Variants in CTNNA1 observed in about 807,000 individuals in gnomAD.
CTNNA1 encodes catenin alpha-1.
Under a neutral mutation model 98.4 loss-of-function variants are expected in CTNNA1, and 37 were observed. The observed-to-expected ratio is 0.38, with a 90% CI of 0.29 to 0.49. The LOEUF (loss-of-function observed/expected upper bound fraction) is 0.49, where lower values mean the gene tolerates loss of function less well. Ranked by LOEUF, CTNNA1 falls within the 20% of genes least tolerant of loss-of-function variation. The probability of loss-of-function intolerance (pLI) is 0.95; values close to 1 mark genes in which losing one functional copy is unlikely to be tolerated. For synonymous variants in CTNNA1, 404 were observed against 413.2 expected (o/e 0.98, Z 0.27); for missense variants, 761 against 1,147.2 (o/e 0.66, Z 4.86).
At chr5:138,754,628 G>C (rs959774512) in intron 1 of CTNNA1, 1 of 152,128 alleles carries the variant, frequency 6.6e-6, no homozygotes, top group African/African-American at 2.4e-5. Flanking sequence ...CTGGACAGGT[G>C]GGTGTTACTT....
chr5:138,822,690 G>C (rs1346532832), intron 5 of CTNNA1, among the ~76,000 whole-genome samples: 2 of 152,178 alleles, frequency 1.3e-5, no homozygotes, highest in Admixed American at 6.5e-5. Context: ...ACAGGGTCCT[G>C]TTTTTGAATA....
intron 3 of CTNNA1, among the ~76,000 whole-genome samples, chr5:138,793,972 A>G (rs1194058557): frequency 1.4e-5 from 2 of 147,006 alleles, no homozygotes; most frequent in African/African-American, 2.5e-5. Context: ...GGCTTATAGT[A>G]TTTAAATAAC....
intron 7 of CTNNA1, among the ~76,000 whole-genome samples, chr5:138,861,616 T>G (rs552459584): frequency 1.2e-4 from 19 of 152,344 alleles, no homozygotes; most frequent in Admixed American, 5.9e-4. Flanking sequence ...CAACTTTTAT[T>G]ACAGGTATGA....
At chr5:138,879,822 G>T (rs1323550971) in intron 7 of CTNNA1, among the ~76,000 whole-genome samples, 1 of 152,102 alleles carries the variant, frequency 6.6e-6, no homozygotes, top group African/African-American at 2.4e-5. Flanking sequence ...GCAGTAGAAG[G>T]GGATTCTGAT....
intron 7 of CTNNA1, among the ~76,000 whole-genome samples, chr5:138,852,526 A>G (rs1253256642): frequency 6.6e-6 from 1 of 152,002 alleles, no homozygotes; most frequent in Non-Finnish European, 1.5e-5. Context: ...CATGACTACT[A>G]TAGTTCAGTT....
At chr5:138,757,596 T>G (rs1344489518) in intron 1 of CTNNA1, among the ~76,000 whole-genome samples, 1 of 152,222 alleles carries the variant, frequency 6.6e-6, no homozygotes, top group African/African-American at 2.4e-5. Context: ...CTCAGCACTT[T>G]CGTTTCTGGT....
chr5:138,901,012 GATA>G (rs1277981389), intron 9 of CTNNA1, among the ~76,000 whole-genome samples: 3 of 152,142 alleles, frequency 2.0e-5, no homozygotes, highest in Non-Finnish European at 4.4e-5. Flanking sequence ...TGGTAGGAAA[GATA>G]ATAATTTATT....
chr5:138,767,727 G>T (rs536910448), intron 1 of CTNNA1, among the ~76,000 whole-genome samples: 3 of 152,028 alleles, frequency 2.0e-5, no homozygotes, highest in Non-Finnish European at 2.9e-5. Context: ...TCAATTACTC[G>T]ATAGAAACTA....
intron 7 of CTNNA1, among the ~76,000 whole-genome samples, chr5:138,857,784 C>T (rs181669398): frequency 1.3e-5 from 2 of 152,316 alleles, no homozygotes; most frequent in African/African-American, 4.8e-5. Flanking sequence ...CCCAGCCTGG[C>T]TCCAGAATTT....
chr5:138,765,797 A>G (rs1752863094), intron 1 of CTNNA1, among the ~76,000 whole-genome samples: 1 of 151,766 alleles, frequency 6.6e-6, no homozygotes, highest in African/African-American at 2.4e-5. Context: ...AAAAATATAA[A>G]AATTAGCTGG....
intron 5 of CTNNA1, among the ~76,000 whole-genome samples, chr5:138,813,326 GCAAA>G (rs1428965464): frequency 3.3e-5 from 5 of 152,162 alleles, no homozygotes; most frequent in Non-Finnish European, 7.3e-5. Flanking sequence ...CTCTTTATAA[GCAAA>G]CAATCTAGAA....
At chr5:138,886,587 T>A (rs1425619183) in intron 8 of CTNNA1, among the ~76,000 whole-genome samples, 1 of 152,170 alleles carries the variant, frequency 6.6e-6, no homozygotes, top group African/African-American at 2.4e-5. Context: ...GTGAAAATAA[T>A]CCTGAAGGAT....
chr5:138,792,218 A>G (rs1174438378), intron 3 of CTNNA1, among the ~76,000 whole-genome samples: 2 of 152,224 alleles, frequency 1.3e-5, no homozygotes, highest in Non-Finnish European at 2.9e-5. Flanking sequence ...ATGTGTATAT[A>G]TACATAGTTC....
At chr5:138,918,775 A>G (rs1762317281) in intron 11 of CTNNA1, among the ~76,000 whole-genome samples, 1 of 152,172 alleles carries the variant, frequency 6.6e-6, no homozygotes, top group African/African-American at 2.4e-5. Context: ...AAAGTGCCAG[A>G]CTTCCTGAGG....
intron 7 of CTNNA1, among the ~76,000 whole-genome samples, chr5:138,836,534 A>G (rs1480951290): frequency 6.6e-6 from 1 of 152,224 alleles, no homozygotes; most frequent in African/African-American, 2.4e-5. Context: ...GGCATTGCGC[A>G]TTGCAGTATT....
rs1755001447 is a variant in CTNNA1 at position 138,780,795 on chromosome 5, A to T, written c.-2-1128A>T. Among the ~76,000 whole-genome samples the T allele has an allele frequency of 2.0e-5, 3 of 152,060 alleles. No homozygotes were observed. The South Asian group carries it at 6.2e-4, about 32-fold the overall frequency. On this transcript the variant is annotated intron_variant, in intron 1 of 17. Coordinates refer to ENST00000302763, the MANE Select transcript of CTNNA1 (RefSeq NM_001903.5). ...CTTCCCAAAGTGCTGGGATTACAGGAGTGAGCCACCACGCCCAGCCTTTAA... is the reference window on the plus strand; with the variant it reads ...CTTCCCAAAGTGCTGGGATTACAGGTGTGAGCCACCACGCCCAGCCTTTAA...
At chr5:138,859,078 C>T (rs1764018335) in intron 7 of CTNNA1, among the ~76,000 whole-genome samples, 1 of 152,198 alleles carries the variant, frequency 6.6e-6, no homozygotes, top group South Asian at 2.1e-4. Context: ...GATTGATGGG[C>T]TTGTTATTGT....
chr5:138,863,130 C>T (rs1435864815), intron 7 of CTNNA1, among the ~76,000 whole-genome samples: 1 of 151,262 alleles, frequency 6.6e-6, no homozygotes, highest in Non-Finnish European at 1.5e-5. Flanking sequence ...CTTAACTTGC[C>T]CCTGTTGAAA....
intron 3 of CTNNA1, among the ~76,000 whole-genome samples, chr5:138,801,722 C>G (rs989495709): frequency 1.3e-5 from 2 of 152,082 alleles, no homozygotes; most frequent in African/African-American, 2.4e-5. Context: ...TAGTGATAAA[C>G]CCACATGAAC....
Sources: gnomAD v4.1 joint callset for allele counts (sites outside exome capture counted in the v4.1 genomes callset) on GRCh38, gnomAD v4.1.1 for gene constraint, MANE v1.5 for transcripts, NCBI Gene and HGNC (gene_info 2026-07-23, HGNC 2026-07-21) for gene names.